The following MTMR8 variants were observed in gnomAD, a reference collection of about 807,000 sequenced individuals.
MTMR8 encodes the protein phosphatidylinositol-3,5-bisphosphate 3-phosphatase MTMR8.
MTMR8 carries 65 observed loss-of-function variants against 39.3 expected under a neutral mutation model. That is an observed-to-expected ratio of 1.65 (90% CI 1.35 to 2.03). The LOEUF is 2.03. Among genes scored for constraint, MTMR8 ranks in the 30% most tolerant of loss-of-function variants. MTMR8 has a pLI of 0.00. For synonymous variants in MTMR8, 245 were observed against 185.2 expected (o/e 1.32, Z -2.62); for missense variants, 777 against 538.9 (o/e 1.44, Z -4.37).
intron 12 of MTMR8, among the ~76,000 whole-genome samples, 173 bp from the exon 13 acceptor site, chrX:64,271,246 G>T (rs1335360018): frequency 8.9e-6 from 1 of 111,736 alleles, no homozygotes; most frequent in Non-Finnish European, 1.9e-5. Flanking sequence ...GAAGAGTAAA[G>T]ATACCAGCAG....
chrX:64,330,206 A>G (rs2049683786), intron 11 of MTMR8, among the ~76,000 whole-genome samples: 1 of 112,287 alleles, frequency 8.9e-6, no homozygotes, highest in East Asian at 2.8e-4. Context: ...TTTTAAGAGA[A>G]GGAAAAAGAT....
chrX:64,331,499 T>C, intron 11 of MTMR8, 58 bp downstream of exon 11: 1 of 1,088,379 alleles, frequency 9.2e-7, no homozygotes, highest in Non-Finnish European at 1.3e-6. Flanking sequence ...GGTAGGTACA[T>C]TCTTTTTGCA....
At chrX:64,380,054 C>CA (rs1275662158) in intron 1 of MTMR8, among the ~76,000 whole-genome samples, 5 of 112,056 alleles carry the variant, frequency 4.5e-5, no homozygotes, top group Middle Eastern at 4.6e-3. Flanking sequence ...ATAACATCTA[C>CA]AAAAAACCTA....
chrX:64,279,722 G>C (rs1290654804), intron 12 of MTMR8, among the ~76,000 whole-genome samples: 2 of 111,692 alleles, frequency 1.8e-5, no homozygotes, highest in African/African-American at 3.3e-5. Context: ...CACACTTCTT[G>C]ACTTCAAAAG....
At chrX:64,371,827 C>G (rs922342882) in intron 1 of MTMR8, among the ~76,000 whole-genome samples, 1 of 110,370 alleles carries the variant, frequency 9.1e-6, no homozygotes, top group African/African-American at 3.3e-5. Flanking sequence ...TTAAAATGGA[C>G]TATTAAGTAG....
At chrX:64,370,111 A>G (rs2147240571) in intron 1 of MTMR8, among the ~76,000 whole-genome samples, 1 of 111,451 alleles carries the variant, frequency 9.0e-6, no homozygotes, top group African/African-American at 3.3e-5. Context: ...TTCATGGACC[A>G]ATGATGATAA....
intron 12 of MTMR8, among the ~76,000 whole-genome samples, chrX:64,284,493 G>T (rs1020049956): frequency 9.0e-6 from 1 of 111,082 alleles, no homozygotes; most frequent in Non-Finnish European, 1.9e-5. Context: ...GATACTCTTC[G>T]AGAAGAGCAA....
intron 8 of MTMR8, among the ~76,000 whole-genome samples, chrX:64,342,255 C>T (rs1412455117): frequency 2.7e-5 from 3 of 112,545 alleles, no homozygotes; most frequent in African/African-American, 9.7e-5. Context: ...AGAGAAATAG[C>T]AGTGGAGACT....
chrX:64,375,424 T>C (rs911663721), intron 1 of MTMR8, among the ~76,000 whole-genome samples: 1 of 110,846 alleles, frequency 9.0e-6, no homozygotes, highest in Admixed American at 9.6e-5. Flanking sequence ...TAAGTTGAAG[T>C]ACATATATTA....
At chrX:64,334,849 T>A (rs1246660422) in intron 10 of MTMR8, among the ~76,000 whole-genome samples, 1 of 112,062 alleles carries the variant, frequency 8.9e-6, no homozygotes, top group Non-Finnish European at 1.9e-5. Flanking sequence ...TGCCCCAGAA[T>A]GGATAAACGT....
At chrX:64,286,462 T>A (rs1200856086) in intron 12 of MTMR8, among the ~76,000 whole-genome samples, 1 of 112,149 alleles carries the variant, frequency 8.9e-6, no homozygotes, top group East Asian at 2.8e-4. Context: ...ACTCATTTCA[T>A]GAGGCCAGCA....
chrX:64,363,490 A>C (rs1923854087), intron 1 of MTMR8, among the ~76,000 whole-genome samples: 1 of 111,861 alleles, frequency 8.9e-6, no homozygotes, highest in Non-Finnish European at 1.9e-5. Context: ...TCTCACCTAC[A>C]ATTTATGCCA....
rs146228822 is a variant in MTMR8 at position 64,368,390 on chromosome X, G to A, written c.25-8863C>T. On this transcript the variant is annotated intron_variant, in intron 1 of 13. Coordinates refer to ENST00000374852, the MANE Select transcript of MTMR8 (RefSeq NM_017677.4). The stretch of plus-strand genomic sequence containing the variant: ...AAGGCTATAGTAACCAAAACAGCAT[G>A]GTACTGGTACCAAAACAGAGAGACA... 2.3e-3 allele frequency among the ~76,000 whole-genome samples: 262 copies of A among 111,759 alleles called. 2 individuals carry two copies. The highest frequency in any genetic ancestry group is 8.1e-3 in the African/African-American group (250 of 30,736).
At chrX:64,324,396 G>T (rs1490935986) in intron 12 of MTMR8, among the ~76,000 whole-genome samples, 1 of 110,894 alleles carries the variant, frequency 9.0e-6, no homozygotes. Flanking sequence ...GAGAAGAGAA[G>T]AAAGAGGACG....
chrX:64,325,320 C>T (rs935293031), intron 12 of MTMR8, among the ~76,000 whole-genome samples: 2 of 111,775 alleles, frequency 1.8e-5, no homozygotes, highest in Non-Finnish European at 3.8e-5. Context: ...TAGCATTACC[C>T]TGATAGCAAA....
At chrX:64,329,555 C>A (rs779209066) in intron 11 of MTMR8, among the ~76,000 whole-genome samples, 1 of 111,301 alleles carries the variant, frequency 9.0e-6, no homozygotes, top group South Asian at 3.8e-4. Context: ...GGCTGCTTAA[C>A]CAGTAAGCAA....
intron 12 of MTMR8, among the ~76,000 whole-genome samples, chrX:64,299,820 C>T (rs1350005577): frequency 3.0e-5 from 3 of 98,499 alleles, no homozygotes; most frequent in Non-Finnish European, 4.1e-5. Context: ...TTTACTTCTG[C>T]CTTCATTTCG....
intron 12 of MTMR8, among the ~76,000 whole-genome samples, chrX:64,319,722 G>C (rs1259122732): frequency 9.0e-6 from 1 of 110,786 alleles, no homozygotes; most frequent in Non-Finnish European, 1.9e-5. Context: ...GTAGATATGT[G>C]GCATTATTTC....
rs377485664 is a variant in MTMR8, at chrX:64,343,710, C to A, written c.876G>T (p.Leu292Phe). 21 of 1,187,528 alleles carry A rather than the reference C, an allele frequency of 1.8e-5. No individual in the cohort carries two copies. Among genetic ancestry groups the A allele is most frequent in the Non-Finnish European group, 2.3e-5 (20 of 876,755 alleles). ...GAAATTCACTCATTGTTGGAGTTTTCAATTCACAAACTAAGGTAGAAAAGG... is the reference window on the plus strand; with the variant it reads ...GAAATTCACTCATTGTTGGAGTTTTAAATTCACAAACTAAGGTAGAAAAGG... The part of the protein sequence containing the change: ...SLQKLLEVCE[L>F]KTPTMSEFLS... Residue 292 changes from leucine (L) to phenylalanine (F), a missense_variant, in exon 8 of 14, where the codon TTG becomes TTT. By Grantham distance (22) the Leu-to-Phe change is conservative. Transcript: ENST00000374852.
Sources: gnomAD v4.1 joint callset for allele counts (sites outside exome capture counted in the v4.1 genomes callset) on GRCh38, gnomAD v4.1.1 for gene constraint, MANE v1.5 for transcripts, NCBI Gene and HGNC (gene_info 2026-07-23, HGNC 2026-07-21) for gene names.